The following DOCK6 variants were observed in gnomAD, a reference collection of about 807,000 sequenced individuals.
The protein encoded by DOCK6 is dedicator of cytokinesis 6, also known as dedicator of cytokinesis protein 6.
DOCK6 carries 167 observed loss-of-function variants against 230.3 expected under a neutral mutation model. The observed-to-expected ratio is 0.73, with a 90% CI of 0.64 to 0.82. The LOEUF (loss-of-function observed/expected upper bound fraction) is 0.82. Among genes scored for constraint, DOCK6 ranks in the 40% least tolerant of loss-of-function variants. DOCK6 has a pLI of 0.00. For missense variants in DOCK6, 2,598 were observed against 2,825.8 expected, an observed-to-expected ratio of 0.92 and a Z score of 1.83; for synonymous variants, 1,148 against 1,185.0, an observed-to-expected ratio of 0.97 and a Z score of 0.64.
At chr19:11,261,618 G>C (rs148090540) in intron 1 of DOCK6, among the ~76,000 whole-genome samples, 1 of 152,162 alleles carries the variant, frequency 6.6e-6, no homozygotes, top group Non-Finnish European at 1.5e-5. Flanking sequence ...GCCCCAGAGA[G>C]TCTGATATAC....
chr19:11,259,451 A>T (rs947188461), intron 1 of DOCK6, among the ~76,000 whole-genome samples: 6 of 151,778 alleles, frequency 4.0e-5, no homozygotes, highest in Admixed American at 3.9e-4. Flanking sequence ...AGAGAGAGAG[A>T]GAGAGATGTT....
rs2079316607 is a variant in DOCK6 at position 11,209,049 on chromosome 19, G to A, written c.4806C>T (p.Asn1602=). 1 of 1,612,410 alleles carries A rather than the reference G, an allele frequency of 6.2e-7. No homozygotes were observed. Among genetic ancestry groups the A allele is most frequent in the Non-Finnish European group, 8.5e-7 (1 of 1,179,472 alleles). ...SPDLRLTWLQ[N]MAGKHAELGN... ...CCAGCTCCGCGTGCTTCCCGGCCAT[G>A]TTCTGCAACCAGGTCAGCCGAAGGT... Residue 1602 remains asparagine (N), a synonymous_variant, in exon 38 of 48, where the codon AAC becomes AAT. Transcript: ENST00000294618.
In DOCK6 at chr19:11,259,881, C is replaced by CTTTTTTTTTTTTTTT. The variant is rs1205836383; in HGVS notation, c.44+2501_44+2515dup. Among the ~76,000 whole-genome samples the CTTTTTTTTTTTTTTT allele has an allele frequency of 8.9e-5, 6 of 67,774 alleles. 1 individual carries two copies. Among genetic ancestry groups the CTTTTTTTTTTTTTTT allele is most frequent in the East Asian group, 1.2e-3 (2 of 1,708 alleles). The allele number at this position is 67,774 out of a possible 152,430, so 44.5% of individuals were successfully genotyped here. A position where few individuals can be genotyped will look rare whatever the true frequency, so the allele number is the denominator to read the frequency against. ...ACAGACCTGGGCCGCCGCGCCCGGC[C>CTTTTTTTTTTTTTTT]TTTTTTTTTTTTTTTTTTTTGAGAC... On this transcript the variant is annotated intron_variant, in intron 1 of 47. Coordinates refer to ENST00000294618, the MANE Select transcript of DOCK6 (RefSeq NM_020812.4).
At chr19:11,217,688 G>A (rs1021011524) in intron 28 of DOCK6, among the ~76,000 whole-genome samples, 1 of 149,996 alleles carries the variant, frequency 6.7e-6, no homozygotes, top group African/African-American at 2.5e-5. Context: ...AACCTGGGAG[G>A]TGGAGGTTAC....
rs1444211832 is a variant in DOCK6, at chr19:11,208,834, G to T, written c.4945-5C>A. On this transcript the variant is annotated splice_region_variant and splice_polypyrimidine_tract_variant and intron_variant, in intron 38 of 47. Transcript: ENST00000294618. ...TAGCACGTTGGATGAGATGTTCTGG[G>T]GTGGGAGAGGTGGCGTCAGACCCTG... The T allele has an allele frequency of 2.5e-6, 4 of 1,610,548 alleles. No individual in the cohort carries two copies. The South Asian group carries it at 3.3e-5, about 13-fold the overall frequency.
At chr19:11,229,590 G>A (rs953140826) in intron 22 of DOCK6, among the ~76,000 whole-genome samples, 4 of 152,086 alleles carry the variant, frequency 2.6e-5, no homozygotes, top group South Asian at 2.1e-4. Flanking sequence ...GAGATGGGCC[G>A]GCGTGGGTTG....
chr19:11,260,530 A>G (rs1353331281), intron 1 of DOCK6, among the ~76,000 whole-genome samples: 1 of 151,732 alleles, frequency 6.6e-6, no homozygotes, highest in East Asian at 1.9e-4. Flanking sequence ...CAGTGAGCCA[A>G]GGTATCACCA....
At position 11,229,087 on chromosome 19, in the gene DOCK6, C is replaced by T. The variant is rs528475520; in HGVS notation, c.2719-52G>A. 46 of 1,553,414 alleles carry T rather than the reference C, an allele frequency of 3.0e-5. 1 individual carries two copies. The East Asian group carries it at 1.1e-3, about 36-fold the overall frequency. On this transcript the variant is annotated intron_variant, in intron 22 of 47. Coordinates refer to ENST00000294618, the MANE Select transcript of DOCK6 (RefSeq NM_020812.4). ...GTGCGAGGTGCCACCCCTTCCCGTA[C>T]CCCCTCTGGAGACATGCCAGGGGAA...
rs529163725 is a variant in DOCK6, at chr19:11,208,952, C to A, written c.4903G>T (p.Glu1635Ter). ...ALVAEYLALL[E>*]DHRHLPVGCV... ...CCCACGGGCAGGTGGCGGTGGTCCT[C>A]GAGCAGGGCGAGGTACTCAGCCACG... Residue 1635 changes from glutamate to a stop codon, truncating the protein, a stop_gained, in exon 38 of 48, where the codon GAG becomes TAG. Coordinates refer to ENST00000294618, the MANE Select transcript of DOCK6 (RefSeq NM_020812.4). LOFTEE classifies it high-confidence loss of function. 32 of 1,598,848 alleles carry A rather than the reference C, an allele frequency of 2.0e-5. No individual in the cohort carries two copies. The highest frequency in any genetic ancestry group is 2.7e-5 in the Non-Finnish European group (32 of 1,168,794).
At chr19:11,237,399 A>G in intron 18 of DOCK6, 57 bp downstream of exon 18, 1 of 1,595,708 alleles carries the variant, frequency 6.3e-7, no homozygotes, top group Non-Finnish European at 8.6e-7. Flanking sequence ...AAGGCAGGTG[A>G]CTCGGGAGTG....
chr19:11,216,294 C>G, intron 30 of DOCK6: 1 of 183,140 alleles, frequency 5.5e-6, no homozygotes, highest in Non-Finnish European at 1.2e-5. Context: ...TACCATGCTG[C>G]CCAGGCTGGT....
chr19:11,242,969 A>G, intron 13 of DOCK6, 90 bp downstream of exon 13: 2 of 1,472,676 alleles, frequency 1.4e-6, no homozygotes, highest in Non-Finnish European at 1.9e-6. Flanking sequence ...TGGGTCTCTG[A>G]TGCCCCTGGC....
In DOCK6 at chr19:11,252,463, G is replaced by A; in HGVS notation, c.377+19C>T. ...TTTTGGGTTCCGAACCCCCTGAGCTGCCCCTAAGTCAGACTCACCTTCTGT... is the reference window on the plus strand; with the variant it reads ...TTTTGGGTTCCGAACCCCCTGAGCTACCCCTAAGTCAGACTCACCTTCTGT... On this transcript the variant is annotated intron_variant, in intron 4 of 47. Transcript: ENST00000294618. 1 of 1,613,576 alleles carries A rather than the reference G, an allele frequency of 6.2e-7. No homozygotes were observed. The highest frequency in any genetic ancestry group is 8.5e-7 in the Non-Finnish European group (1 of 1,179,650).
At position 11,253,842 on chromosome 19, in the gene DOCK6, A is replaced by G. The variant is rs539032725; in HGVS notation, c.45-116T>C. On this transcript the variant is annotated intron_variant, in intron 1 of 47. Transcript: ENST00000294618. The stretch of plus-strand genomic sequence containing the variant: ...AACGAAATAAATAGGCCGAGGGCCA[A>G]GAGAACCAGGAGTGCTGAGGCTTTA... 197 of 736,184 alleles carry G rather than the reference A, an allele frequency of 2.7e-4. No homozygotes were observed. In the African/African-American group the frequency reaches 3.4e-3, roughly 13 times the overall value. The allele number at this position is 736,184 out of a possible 1,614,324, so 45.6% of individuals were successfully genotyped here.
At chr19:11,247,995 A>T in intron 7 of DOCK6, 71 bp downstream of exon 7, 1 of 1,347,324 alleles carries the variant, frequency 7.4e-7, no homozygotes, top group Non-Finnish European at 1.0e-6. Flanking sequence ...CTACTCATGT[A>T]GTGTGTACCC....
rs200408941 is a variant in DOCK6 at position 11,217,044 on chromosome 19, G to A, written c.3764C>T (p.Ala1255Val). 4.8e-5 allele frequency: 77 copies of A among 1,613,588 alleles called. No individual in the cohort carries two copies. Among genetic ancestry groups the A allele is most frequent in the South Asian group, 4.0e-4 (36 of 91,086 alleles). ...LSAESSRTLL[A>V]CVLWVLKNTE... Reference sequence around the variant, plus strand: ...GTTTTTCAGCACCCACAGCACACACGCCAGCAAGGTCCGGCTTGACTCAGC... The same window carrying A: ...GTTTTTCAGCACCCACAGCACACACACCAGCAAGGTCCGGCTTGACTCAGC... The change falls in exon 30 of 48, where the codon GCG becomes GTG. Residue 1255 changes from alanine to valine, a missense_variant. Coordinates refer to ENST00000294618, the MANE Select transcript of DOCK6 (RefSeq NM_020812.4).
intron 21 of DOCK6, 71 bp downstream of exon 21, chr19:11,235,527 A>G (rs1019906769): frequency 1.4e-6 from 2 of 1,438,426 alleles, no homozygotes; most frequent in African/African-American, 2.8e-5. Flanking sequence ...CTGGGATTAC[A>G]GGCGTGAGCC....
At chr19:11,257,376 C>G (rs2080213605) in intron 1 of DOCK6, among the ~76,000 whole-genome samples, 1 of 150,058 alleles carries the variant, frequency 6.7e-6, no homozygotes, top group Non-Finnish European at 1.5e-5. Flanking sequence ...CCTGTAATCC[C>G]AGTGCTTTGG....
rs777732719 is a variant in DOCK6 at position 11,250,896 on chromosome 19, G to T, written c.698C>A (p.Thr233Asn). The change falls in exon 6 of 48, where the codon ACC becomes AAC. Residue 233 changes from threonine (T) to asparagine (N), a missense_variant. Physicochemically the swap from Thr to Asn is moderately conservative, Grantham distance 65. Transcript: ENST00000294618. ...RRQHRPPALL[T>N]LYPAPDEDEA... ...CACCTCGTCAGGTGCCGGGTAGAGG[G>T]TGAGCAGGGCCGGGGGCCGGTGCTG... The T allele has an allele frequency of 1.9e-6, 3 of 1,603,110 alleles. No individual in the cohort carries two copies. In the South Asian group the frequency reaches 3.3e-5, roughly 18 times the overall value.
Sources: allele counts gnomAD v4.1 joint callset (sites outside exome capture counted in the v4.1 genomes callset), GRCh38; gene constraint gnomAD v4.1.1; transcripts MANE v1.5; gene names NCBI Gene and HGNC (gene_info 2026-07-23, HGNC 2026-07-21).